Variants in GALNT13 observed in about 807,000 individuals in gnomAD.
GALNT13 encodes the protein polypeptide N-acetylgalactosaminyltransferase 13.
GALNT13 carries 28 observed loss-of-function variants against 64.2 expected under a neutral mutation model. The ratio of observed to expected loss-of-function variants is 0.44; its 90% CI spans 0.32 to 0.60. GALNT13 has a LOEUF of 0.60. Ranked by LOEUF, GALNT13 falls within the 20% of genes least tolerant of loss-of-function variation. GALNT13 has a pLI of 0.05. For missense variants in GALNT13, 577 were observed against 669.8 expected (o/e 0.86, Z 1.53); for synonymous variants, 214 against 224.6 (o/e 0.95, Z 0.42).
intron 4 of GALNT13, among the ~76,000 whole-genome samples, chr2:154,149,178 A>G (rs1487166148): frequency 6.6e-6 from 1 of 152,184 alleles, no homozygotes; most frequent in Non-Finnish European, 1.5e-5. Flanking sequence ...CATTTATTAA[A>G]TAGGGAATCC....
chr2:153,233,523 A>G, the GALNT13 span, among the ~76,000 whole-genome samples: 4 of 151,812 alleles, frequency 2.6e-5, no homozygotes, highest in Non-Finnish European at 4.4e-5. Flanking sequence ...TGGTCTATTT[A>G]TCTGTGATCT....
At chr2:154,207,817 T>C (rs1007142786) in intron 4 of GALNT13, among the ~76,000 whole-genome samples, 1 of 152,198 alleles carries the variant, frequency 6.6e-6, no homozygotes, top group African/African-American at 2.4e-5. Context: ...TTAGCTTACA[T>C]GCTAACTGTC....
intron 9 of GALNT13, among the ~76,000 whole-genome samples, chr2:154,352,917 A>G (rs1696493743): frequency 1.3e-5 from 2 of 152,182 alleles, no homozygotes; most frequent in African/African-American, 4.8e-5. Flanking sequence ...GCTTACTGTT[A>G]GTATCCTCCA....
the GALNT13 span, among the ~76,000 whole-genome samples, chr2:153,656,831 A>T: frequency 6.6e-6 from 1 of 152,062 alleles, no homozygotes; most frequent in African/African-American, 2.4e-5. Flanking sequence ...AGAAAGTGGG[A>T]AACAGTCACA....
the GALNT13 span, among the ~76,000 whole-genome samples, chr2:153,495,122 G>T: frequency 2.0e-5 from 3 of 151,402 alleles, no homozygotes; most frequent in Non-Finnish European, 1.5e-5. Context: ...TTATTACAAT[G>T]ACTAAAACTA....
At chr2:153,888,927 G>T (rs565022116) in intron 1 of GALNT13, among the ~76,000 whole-genome samples, 1 of 152,016 alleles carries the variant, frequency 6.6e-6, no homozygotes, top group African/African-American at 2.4e-5. Context: ...AAGCACCTTG[G>T]AAGTTAGTAA....
At chr2:153,647,255 A>C in the GALNT13 span, among the ~76,000 whole-genome samples, 1 of 152,194 alleles carries the variant, frequency 6.6e-6, no homozygotes, top group African/African-American at 2.4e-5. Flanking sequence ...GGCTGCATAA[A>C]TGTCTTCTTT....
chr2:154,396,275 A>G (rs1446349057), intron 10 of GALNT13, 145 bp downstream of exon 10: 1 of 473,400 alleles, frequency 2.1e-6, no homozygotes, highest in Non-Finnish European at 3.5e-6. Flanking sequence ...TATTTCAAGG[A>G]CCATGAAGTC....
the GALNT13 span, among the ~76,000 whole-genome samples, chr2:153,110,220 T>G: frequency 6.6e-6 from 1 of 152,160 alleles, no homozygotes; most frequent in Non-Finnish European, 1.5e-5. Flanking sequence ...GTGGTTGGAA[T>G]GTAGCCCTCC....
At chr2:154,175,366 T>A (rs1685588741) in intron 4 of GALNT13, among the ~76,000 whole-genome samples, 2 of 152,212 alleles carry the variant, frequency 1.3e-5, no homozygotes, top group African/African-American at 2.4e-5. Flanking sequence ...CAAGACACTT[T>A]CAATGTAATG....
At chr2:153,931,364 A>G (rs919057443) in intron 2 of GALNT13, among the ~76,000 whole-genome samples, 1 of 151,378 alleles carries the variant, frequency 6.6e-6, no homozygotes, top group African/African-American at 2.4e-5. Context: ...TACTCTCACT[A>G]TGACTCCCAG....
the GALNT13 span, among the ~76,000 whole-genome samples, chr2:153,344,654 A>G: frequency 6.6e-6 from 1 of 152,212 alleles, no homozygotes; most frequent in African/African-American, 2.4e-5. Context: ...TACAGGATGG[A>G]TAAGCTATGA....
At chr2:154,351,435 G>A (rs1042202736) in intron 9 of GALNT13, among the ~76,000 whole-genome samples, 2 of 151,970 alleles carry the variant, frequency 1.3e-5, no homozygotes, top group African/African-American at 4.8e-5. Flanking sequence ...TGTAATCCCA[G>A]CACTTTGGGA....
At chr2:153,617,380 A>T in the GALNT13 span, among the ~76,000 whole-genome samples, 1 of 151,964 alleles carries the variant, frequency 6.6e-6, no homozygotes, top group African/African-American at 2.4e-5. Context: ...ATTTGCATAC[A>T]TTGAACCATC....
intron 3 of GALNT13, among the ~76,000 whole-genome samples, chr2:154,072,898 A>C (rs1264532387): frequency 2.0e-5 from 3 of 152,040 alleles, no homozygotes; most frequent in African/African-American, 7.2e-5. Flanking sequence ...CCTCAGGGAG[A>C]TAGGGATATG....
intron 4 of GALNT13, among the ~76,000 whole-genome samples, chr2:154,225,191 T>G (rs1361033354): frequency 1.3e-5 from 2 of 151,438 alleles, no homozygotes; most frequent in East Asian, 4.0e-4. Context: ...GATAGATAGA[T>G]AGATACAGAG....
chr2:153,397,759 G>A, the GALNT13 span, among the ~76,000 whole-genome samples: 10 of 151,802 alleles, frequency 6.6e-5, no homozygotes, highest in South Asian at 2.1e-4. Context: ...GTGTCTATTC[G>A]GTCTTCCATC....
the GALNT13 span, among the ~76,000 whole-genome samples, chr2:153,646,689 G>A: frequency 4.6e-5 from 7 of 151,540 alleles, no homozygotes; most frequent in East Asian, 1.9e-4. Flanking sequence ...TTCAATTCCC[G>A]CCTATGAGTG....
the GALNT13 span, among the ~76,000 whole-genome samples, chr2:153,087,279 T>C: frequency 2.6e-5 from 4 of 152,178 alleles, no homozygotes; most frequent in Non-Finnish European, 5.9e-5. Flanking sequence ...TGATCTATCA[T>C]ATTTATTTAT....
Sources: gnomAD v4.1 joint callset for allele counts (sites outside exome capture counted in the v4.1 genomes callset) on GRCh38, gnomAD v4.1.1 for gene constraint, MANE v1.5 for transcripts, NCBI Gene and HGNC (gene_info 2026-07-23, HGNC 2026-07-21) for gene names.